FRMD4A: variants seen among roughly 807,000 people sequenced by gnomAD.
FRMD4A encodes FERM domain-containing protein 4A.
A neutral mutation model predicts 129.1 loss-of-function variants in FRMD4A; 29 were observed. The ratio of observed to expected loss-of-function variants is 0.22; its 90% CI spans 0.17 to 0.31. The LOEUF (loss-of-function observed/expected upper bound fraction) is 0.31. FRMD4A is among the 10% of genes least tolerant of loss of function. The pLI, the probability that FRMD4A is intolerant of heterozygous loss-of-function variation, is 1.00. For synonymous variants in FRMD4A, 634 were observed against 571.6 expected, an observed-to-expected ratio of 1.11 and a Z score of -1.56; for missense variants, 1,272 against 1,375.8, an observed-to-expected ratio of 0.92 and a Z score of 1.19.
intron 15 of FRMD4A, among the ~76,000 whole-genome samples, chr10:13,686,173 C>A (rs1456632983): frequency 6.6e-6 from 1 of 152,234 alleles, no homozygotes. Flanking sequence ...GGAATCCTGT[C>A]CATTGTTAGA....
chr10:13,822,220 C>T (rs968100093), intron 3 of FRMD4A, among the ~76,000 whole-genome samples: 1 of 152,190 alleles, frequency 6.6e-6, no homozygotes, highest in African/African-American at 2.4e-5. Context: ...GTAGCGAGAA[C>T]ATTTCCAAAC....
rs113380036 is a variant in FRMD4A at position 14,154,751 on chromosome 10, G to A, written c.45+175307C>T. 1.9e-4 allele frequency among the ~76,000 whole-genome samples: 29 copies of A among 152,228 alleles called. 1 individual carries two copies. The highest frequency in any genetic ancestry group is 3.9e-4 in the East Asian group (2 of 5,190). On this transcript the variant is annotated intron_variant, in intron 2 of 24. Coordinates refer to ENST00000357447, the MANE Select transcript of FRMD4A (RefSeq NM_018027.5). ...GAGATTGGCATGTCTATATTGCCCC[G>A]TGCTGGGTTAGGAGTCAATTCTCCT...
At chr10:14,138,158 C>T (rs1658937152) in intron 2 of FRMD4A, among the ~76,000 whole-genome samples, 1 of 152,196 alleles carries the variant, frequency 6.6e-6, no homozygotes, top group Non-Finnish European at 1.5e-5. Flanking sequence ...CAAGAATAAA[C>T]TTGTTCATTC....
chr10:14,240,922 A>C (rs1844019562), intron 2 of FRMD4A, among the ~76,000 whole-genome samples: 1 of 152,216 alleles, frequency 6.6e-6, no homozygotes, highest in South Asian at 2.1e-4. Flanking sequence ...TCAAAAAAAA[A>C]AAAAAAAATT....
intron 15 of FRMD4A, chr10:13,684,779 A>T: frequency 2.0e-6 from 2 of 984,956 alleles, no homozygotes; most frequent in Non-Finnish European, 2.4e-6. Flanking sequence ...AGGAGGGGAA[A>T]CTTCAAAGCA....
rs1195021281 is a variant in FRMD4A, at chr10:14,016,897, T to C, written c.46-157985A>G. On this transcript the variant is annotated intron_variant, in intron 2 of 24. Coordinates refer to ENST00000357447, the MANE Select transcript of FRMD4A (RefSeq NM_018027.5). ...ATCTGTGTCAGAAGGCCTTGCCTTA[T>C]GGACATCAAGGACAAGGCCCATCAG... Among the ~76,000 whole-genome samples, 9 of 152,248 alleles carry C rather than the reference T, an allele frequency of 5.9e-5. No individual in the cohort carries two copies. In the East Asian group the frequency reaches 1.7e-3, roughly 29 times the overall value.
chr10:13,964,477 G>C (rs1240688969), intron 2 of FRMD4A, among the ~76,000 whole-genome samples: 1 of 151,224 alleles, frequency 6.6e-6, no homozygotes, highest in African/African-American at 2.4e-5. Context: ...GAGGCAGGGT[G>C]GGGGTGGGTG....
At chr10:13,688,980 G>A (rs1457121619) in intron 15 of FRMD4A, among the ~76,000 whole-genome samples, 1 of 152,034 alleles carries the variant, frequency 6.6e-6, no homozygotes, top group African/African-American at 2.4e-5. Context: ...TGGGATTACA[G>A]GCCTGAGCCA....
chr10:13,659,857 C>T (rs947501160), intron 20 of FRMD4A, among the ~76,000 whole-genome samples: 2 of 55,640 alleles, frequency 3.6e-5, no homozygotes, highest in African/African-American at 4.9e-5. Flanking sequence ...ACCGAAAATG[C>T]CTTCCCCCCC....
intron 2 of FRMD4A, among the ~76,000 whole-genome samples, chr10:13,957,866 G>C (rs964929421): frequency 1.3e-5 from 2 of 151,960 alleles, no homozygotes; most frequent in African/African-American, 4.8e-5. Flanking sequence ...TTACAAAGTT[G>C]ATTACATACG....
chr10:13,966,736 A>G (rs999635550), intron 2 of FRMD4A, among the ~76,000 whole-genome samples: 1 of 152,258 alleles, frequency 6.6e-6, no homozygotes, highest in Non-Finnish European at 1.5e-5. Flanking sequence ...TCGTGATAAT[A>G]AAAACAGAAG....
At chr10:14,103,073 C>T (rs150410125) in intron 2 of FRMD4A, among the ~76,000 whole-genome samples, 66 of 152,262 alleles carry the variant, frequency 4.3e-4, no homozygotes, top group African/African-American at 1.6e-3. Flanking sequence ...TTTTGTTCTA[C>T]GTGGGTGTCG....
chr10:13,889,899 A>G (rs2094674520), intron 2 of FRMD4A, among the ~76,000 whole-genome samples: 1 of 152,238 alleles, frequency 6.6e-6, no homozygotes, highest in Non-Finnish European at 1.5e-5. Flanking sequence ...ATGTCCAAAT[A>G]TTGCCTCCAA....
intron 2 of FRMD4A, among the ~76,000 whole-genome samples, chr10:14,086,789 G>T (rs887491262): frequency 1.3e-5 from 2 of 152,182 alleles, no homozygotes; most frequent in African/African-American, 4.8e-5. Flanking sequence ...CCACTGAGCG[G>T]ACTCATTCTT....
At chr10:13,836,137 A>G (rs1171480068) in intron 3 of FRMD4A, among the ~76,000 whole-genome samples, 1 of 152,142 alleles carries the variant, frequency 6.6e-6, no homozygotes, top group Non-Finnish European at 1.5e-5. Context: ...AGCTGGGACT[A>G]CACGTGTGAG....
chr10:14,022,195 A>G (rs1832790098), intron 2 of FRMD4A, among the ~76,000 whole-genome samples: 4 of 152,210 alleles, frequency 2.6e-5, no homozygotes, highest in Admixed American at 6.5e-5. Context: ...AATGAGTGGT[A>G]CAGAGAGGAA....
chr10:13,892,338 A>G (rs916269101), intron 2 of FRMD4A, among the ~76,000 whole-genome samples: 1 of 151,224 alleles, frequency 6.6e-6, no homozygotes, highest in African/African-American at 2.4e-5. Context: ...TCTCCCCTCA[A>G]CTCTTCAATG....
chr10:14,282,416 G>C (rs1177273289), intron 2 of FRMD4A, among the ~76,000 whole-genome samples: 1 of 152,148 alleles, frequency 6.6e-6, no homozygotes, highest in African/African-American at 2.4e-5. Context: ...CCTTCCAGAA[G>C]GCTTAATAGT....
intron 2 of FRMD4A, among the ~76,000 whole-genome samples, chr10:13,960,311 C>T (rs1190391887): frequency 6.6e-6 from 1 of 152,220 alleles, no homozygotes; most frequent in East Asian, 1.9e-4. Context: ...ATTTTGGAAA[C>T]AGACGCTTTA....
Sources: gnomAD v4.1 joint callset for allele counts (sites outside exome capture counted in the v4.1 genomes callset) on GRCh38, gnomAD v4.1.1 for gene constraint, MANE v1.5 for transcripts, NCBI Gene and HGNC (gene_info 2026-07-23, HGNC 2026-07-21) for gene names.